The following GXYLT2 variants were observed in gnomAD, a reference collection of about 807,000 sequenced individuals.
The protein encoded by GXYLT2 is glucoside xylosyltransferase 2.
A neutral mutation model predicts 45.8 loss-of-function variants in GXYLT2; 53 were observed. The ratio of observed to expected loss-of-function variants is 1.16; its 90% CI spans 0.93 to 1.46. GXYLT2 has a LOEUF of 1.46. GXYLT2 is among the 40% of genes most tolerant of loss of function. GXYLT2 has a pLI of 0.00. For synonymous variants in GXYLT2, 219 were observed against 214.2 expected (o/e 1.02, Z -0.19); for missense variants, 551 against 544.4 (o/e 1.01, Z -0.12).
At chr3:72,960,921 C>T (rs982908340) in intron 5 of GXYLT2, among the ~76,000 whole-genome samples, 1 of 152,188 alleles carries the variant, frequency 6.6e-6, no homozygotes, top group African/African-American at 2.4e-5. Flanking sequence ...TGAACCAATG[C>T]ACATAAAACC....
At chr3:72,954,981 A>G in intron 3 of GXYLT2, 117 bp from the exon 4 acceptor site, 1 of 1,015,488 alleles carries the variant, frequency 9.8e-7, no homozygotes, top group South Asian at 1.7e-5. Context: ...ATTTAATACG[A>G]ATCAACAAAA....
At chr3:72,973,724 G>A (rs1711040462) in intron 6 of GXYLT2, among the ~76,000 whole-genome samples, 1 of 152,098 alleles carries the variant, frequency 6.6e-6, no homozygotes, top group African/African-American at 2.4e-5. Flanking sequence ...GGTTGTGGGG[G>A]GAAAGAGAGG....
At chr3:72,970,692 G>A (rs532913968) in intron 6 of GXYLT2, among the ~76,000 whole-genome samples, 47 of 152,000 alleles carry the variant, frequency 3.1e-4, no homozygotes, top group Non-Finnish European at 5.0e-4. Flanking sequence ...AAATCCCCCC[G>A]TCTCTACTAA....
chr3:72,970,858 A>G (rs1010886991), intron 6 of GXYLT2, among the ~76,000 whole-genome samples: 7 of 152,212 alleles, frequency 4.6e-5, no homozygotes, highest in Middle Eastern at 3.2e-3. Flanking sequence ...GTGAAACTCC[A>G]TCTCAAAAAA....
chr3:72,921,648 CA>C (rs1709834908), intron 2 of GXYLT2, among the ~76,000 whole-genome samples: 1 of 152,090 alleles, frequency 6.6e-6, no homozygotes, highest in Non-Finnish European at 1.5e-5. Context: ...AGGCTGGTCT[CA>C]AACTTCTGGC....
chr3:72,909,646 C>T (rs1430825794), intron 2 of GXYLT2, among the ~76,000 whole-genome samples: 2 of 152,066 alleles, frequency 1.3e-5, no homozygotes, highest in Admixed American at 1.3e-4. Context: ...TTTGACTATT[C>T]CCATACTGAA....
chr3:72,899,692 G>T (rs936357407), intron 1 of GXYLT2, among the ~76,000 whole-genome samples: 2 of 152,048 alleles, frequency 1.3e-5, no homozygotes, highest in African/African-American at 2.4e-5. Flanking sequence ...TCTTCTAGGG[G>T]CCATATCAAG....
At chr3:72,892,756 A>G (rs1472943654) in intron 1 of GXYLT2, among the ~76,000 whole-genome samples, 1 of 152,156 alleles carries the variant, frequency 6.6e-6, no homozygotes, top group African/African-American at 2.4e-5. Flanking sequence ...CCATCCTATA[A>G]TTAGCTAATA....
At chr3:72,936,268 G>A (rs1710174837) in intron 3 of GXYLT2, among the ~76,000 whole-genome samples, 1 of 150,984 alleles carries the variant, frequency 6.6e-6, no homozygotes, top group Non-Finnish European at 1.5e-5. Flanking sequence ...CTCCAGCCTG[G>A]GTGACAGAGC....
At chr3:72,956,762 C>T (rs1308504238) in intron 4 of GXYLT2, among the ~76,000 whole-genome samples, 11 of 151,892 alleles carry the variant, frequency 7.2e-5, no homozygotes, top group Admixed American at 7.2e-4. Context: ...TGATGGCGTG[C>T]ACCCGTAGTC....
chr3:72,970,100 T>C (rs1008759005), intron 6 of GXYLT2, among the ~76,000 whole-genome samples: 1 of 151,858 alleles, frequency 6.6e-6, no homozygotes, highest in African/African-American at 2.4e-5. Flanking sequence ...CCTGTAATCC[T>C]AGCACATTGG....
chr3:72,943,613 G>A (rs1710340753), intron 3 of GXYLT2, among the ~76,000 whole-genome samples: 1 of 152,124 alleles, frequency 6.6e-6, no homozygotes, highest in Admixed American at 6.5e-5. Context: ...CTGGCCTCAA[G>A]TGATCCTCCT....
At chr3:72,950,839 T>G (rs886618753) in intron 3 of GXYLT2, among the ~76,000 whole-genome samples, 8 of 152,234 alleles carry the variant, frequency 5.3e-5, no homozygotes, top group African/African-American at 1.7e-4. Context: ...GGCCAGTCTT[T>G]GGCTCACACT....
chr3:72,931,624 T>A (rs538890773), intron 3 of GXYLT2, among the ~76,000 whole-genome samples: 1 of 152,230 alleles, frequency 6.6e-6, no homozygotes, highest in South Asian at 2.1e-4. Flanking sequence ...CCAGTACTTA[T>A]GGCAGACACC....
chr3:72,898,152 A>C (rs1709330156), intron 1 of GXYLT2, among the ~76,000 whole-genome samples: 1 of 152,192 alleles, frequency 6.6e-6, no homozygotes, highest in Non-Finnish European at 1.5e-5. Flanking sequence ...ATATGCATTA[A>C]GCAATTTAAA....
chr3:72,937,828 G>A (rs1693618964), intron 3 of GXYLT2, among the ~76,000 whole-genome samples: 1 of 152,174 alleles, frequency 6.6e-6, no homozygotes, highest in South Asian at 2.1e-4. Flanking sequence ...GTTTAGTGAG[G>A]TGTTTGTATT....
chr3:72,953,328 C>A (rs558756266), intron 3 of GXYLT2, among the ~76,000 whole-genome samples: 1 of 152,054 alleles, frequency 6.6e-6, no homozygotes, highest in Non-Finnish European at 1.5e-5. Flanking sequence ...GAGTCTCTGT[C>A]GCACAGGCTG....
chr3:72,959,869 A>T (rs1710736610), intron 5 of GXYLT2, among the ~76,000 whole-genome samples: 1 of 152,144 alleles, frequency 6.6e-6, no homozygotes, highest in Non-Finnish European at 1.5e-5. Flanking sequence ...TCCTGACCTC[A>T]GGTGATCCAC....
At position 72,967,528 on chromosome 3, in the gene GXYLT2, T is replaced by C; in HGVS notation, c.977-19T>C. On this transcript the variant is annotated intron_variant, in intron 5 of 6. Transcript: ENST00000389617. ...GGCACTAACCGTGGACATATATGTC[T>C]TTCTCTTTTTACCACCAGAGTGTCT... is the stretch of plus-strand genomic sequence containing the variant. The C allele has an allele frequency of 6.2e-7, 1 of 1,607,320 alleles. No homozygotes were observed. The highest frequency in any genetic ancestry group is 2.2e-5 in the East Asian group (1 of 44,798).
Sources: allele counts gnomAD v4.1 joint callset (sites outside exome capture counted in the v4.1 genomes callset), GRCh38; gene constraint gnomAD v4.1.1; transcripts MANE v1.5; gene names NCBI Gene and HGNC (gene_info 2026-07-23, HGNC 2026-07-21).